Variants in PRSS41 observed in about 807,000 individuals in gnomAD.
The protein encoded by PRSS41 is protease, serine 41.
Under a neutral mutation model 28.8 loss-of-function variants are expected in PRSS41, and 37 were observed. The ratio of observed to expected loss-of-function variants is 1.29; its 90% CI spans 0.99 to 1.69. The LOEUF (loss-of-function observed/expected upper bound fraction) is 1.69, where lower values mean the gene tolerates loss of function less well. Among genes scored for constraint, PRSS41 ranks in the 40% most tolerant of loss-of-function variants. The pLI is 0.00. For missense variants in PRSS41, 431 were observed against 400.7 expected (o/e 1.08, Z -0.65); for synonymous variants, 195 against 163.1 (o/e 1.20, Z -1.49).
intron 4 of PRSS41, among the ~76,000 whole-genome samples, chr16:2,802,869 G>GAGAAGT (rs2068999248): frequency 6.7e-6 from 1 of 148,986 alleles, no homozygotes; most frequent in African/African-American, 2.5e-5. Context: ...TGGGGAGAGG[G>GAGAAGT]AGAGGGAGAG....
intron 4 of PRSS41, among the ~76,000 whole-genome samples, chr16:2,802,007 C>T (rs2068990401): frequency 6.8e-6 from 1 of 147,226 alleles, no homozygotes; most frequent in African/African-American, 2.5e-5. Flanking sequence ...GGGCGGCTGG[C>T]CGGGCGTGGG....
chr16:2,804,278 G>A, intron 4 of PRSS41, 111 bp from the exon 5 acceptor site: 1 of 1,126,156 alleles, frequency 8.9e-7, no homozygotes, highest in Non-Finnish European at 1.3e-6. Flanking sequence ...GGTGTTGTGG[G>A]TGTGTCAGGG....
chr16:2,799,554 A>T (rs766532827), exon 4 of PRSS41: 494 of 1,551,472 alleles, frequency 3.2e-4, no homozygotes, highest in Non-Finnish European at 4.2e-4. Context: ...CTGGGGGTTA[A>T]TCAGCCCCAG....
At position 2,799,143 on chromosome 16, in the gene PRSS41, CG is replaced by C; in HGVS notation, c.257+23del. On this transcript the variant is annotated intron_variant, in intron 3 of 5. Coordinates refer to ENST00000399677, the Ensembl canonical transcript of PRSS41. ...TCCAAAAGTGAGTCTGGGGGGCGGC[CG>C]GGGCCTCAGACTTGCTAATGGCCTC... The C allele has an allele frequency of 1.3e-6, 2 of 1,507,544 alleles. No individual in the cohort carries two copies. The allele number at this position is 1,507,544 out of a possible 1,614,324, so 93.4% of individuals were successfully genotyped here.
chr16:2,803,103 T>C (rs993023031), intron 4 of PRSS41, among the ~76,000 whole-genome samples: 9 of 152,222 alleles, frequency 5.9e-5, no homozygotes, highest in African/African-American at 2.2e-4. Context: ...ATTTTATCAG[T>C]CTCTGCTTTT....
chr16:2,801,891 G>C (rs1271693984), intron 4 of PRSS41, among the ~76,000 whole-genome samples: 3 of 149,302 alleles, frequency 2.0e-5, no homozygotes, highest in African/African-American at 2.5e-5. Flanking sequence ...CGGGCAGAGG[G>C]GCTCCTCACT....
chr16:2,800,429 T>A (rs142068863), intron 4 of PRSS41, among the ~76,000 whole-genome samples: 1,577 of 150,130 alleles, frequency 0.011, 30 homozygotes, highest in African/African-American at 0.037. Context: ...TAATCTCAGC[T>A]CCTTGGGAGG....
chr16:2,800,063 G>T (rs891442285), intron 4 of PRSS41, among the ~76,000 whole-genome samples: 1 of 152,224 alleles, frequency 6.6e-6, no homozygotes, highest in African/African-American at 2.4e-5. Flanking sequence ...ATGGAGTGTA[G>T]TTACACAAAC....
At chr16:2,798,813 G>A in intron 2 of PRSS41, 146 bp from the exon 3 acceptor site, 1 of 1,180,200 alleles carries the variant, frequency 8.5e-7, no homozygotes, top group Non-Finnish European at 1.1e-6. Flanking sequence ...TGCCCACCAC[G>A]TGGGAGGGTC....
intron 4 of PRSS41, among the ~76,000 whole-genome samples, 187 bp from the exon 5 acceptor site, chr16:2,804,202 G>T (rs1308259062): frequency 6.6e-6 from 1 of 152,140 alleles, no homozygotes; most frequent in Non-Finnish European, 1.5e-5. Flanking sequence ...CCATCTATTG[G>T]GTTATTCTGT....
chr16:2,804,601 A>C, intron 5 of PRSS41, 55 bp downstream of exon 5: 8 of 1,512,190 alleles, frequency 5.3e-6, no homozygotes, highest in Non-Finnish European at 7.2e-6. Context: ...TACACCTGAG[A>C]GCAGCTACCA....
At position 2,802,214 on chromosome 16, in the gene PRSS41, C is replaced by T. The variant is rs1282877737; in HGVS notation, c.542-2175C>T. Among the ~76,000 whole-genome samples, 198 of 151,026 alleles carry T rather than the reference C, an allele frequency of 1.3e-3. 2 individuals are homozygous for T. Among genetic ancestry groups the T allele is most frequent in the African/African-American group, 4.7e-3 (191 of 40,946 alleles). Reference sequence around the variant, plus strand: ...CTCACCTCCCAGACAGGGTCGCGGCCGGGCAGAGGCGCTCCTCACATCCCA... The same window carrying T: ...CTCACCTCCCAGACAGGGTCGCGGCTGGGCAGAGGCGCTCCTCACATCCCA... On this transcript the variant is annotated intron_variant, in intron 4 of 5. Transcript: ENST00000399677.
chr16:2,799,246 C>T (rs769756445), intron 3 of PRSS41, 40 bp from the exon 4 acceptor site: 118 of 1,545,090 alleles, frequency 7.6e-5, no homozygotes, highest in Admixed American at 2.0e-5. Flanking sequence ...CGGCCAGCCC[C>T]CTATTCCAAG....
rs1015427994 is a variant in PRSS41 at position 2,798,704 on chromosome 16, G to C, written c.91+42G>C. 1.3e-4 allele frequency: 180 copies of C among 1,423,394 alleles called. No homozygotes were observed. The African/African-American group carries it at 2.5e-3, about 20-fold the overall frequency. The allele number at this position is 1,423,394 out of a possible 1,614,324, so 88.2% of individuals were successfully genotyped here. On this transcript the variant is annotated intron_variant, in intron 2 of 5. Coordinates refer to ENST00000399677, the Ensembl canonical transcript of PRSS41. ...GCGCGATGCCAGCCAGGGCGGCTGG[G>C]CCGGGGTGCACGGGGGCCCATCTAC...
chr16:2,804,523 G>T, exon 5 of PRSS41: 2 of 1,551,088 alleles, frequency 1.3e-6, no homozygotes, highest in African/African-American at 1.4e-5. Flanking sequence ...TGGTGCTGAG[G>T]ATGGCAGTGT....
intron 3 of PRSS41, 56 bp from the exon 4 acceptor site, chr16:2,799,230 C>T (rs909609388): frequency 1.1e-4 from 162 of 1,533,592 alleles, no homozygotes; most frequent in Non-Finnish European, 1.3e-4. Flanking sequence ...CTCCAGCGTG[C>T]TCAGGCGGCC....
At chr16:2,801,127 C>T (rs1044052592) in intron 4 of PRSS41, among the ~76,000 whole-genome samples, 8 of 152,154 alleles carry the variant, frequency 5.3e-5, no homozygotes, top group East Asian at 3.9e-4. Context: ...GTGTGAGCCA[C>T]GGTGCCCAGC....
At chr16:2,800,143 T>G (rs1282994184) in intron 4 of PRSS41, among the ~76,000 whole-genome samples, 1 of 152,218 alleles carries the variant, frequency 6.6e-6, no homozygotes, top group Non-Finnish European at 1.5e-5. Flanking sequence ...CACAAACCTG[T>G]GCAGCTTGTT....
At chr16:2,800,590 A>C (rs1052569822) in intron 4 of PRSS41, among the ~76,000 whole-genome samples, 4 of 151,292 alleles carry the variant, frequency 2.6e-5, no homozygotes, top group African/African-American at 9.7e-5. Context: ...CCTGTGCCCT[A>C]GGCACTTACC....
Sources: allele counts gnomAD v4.1 joint callset (sites outside exome capture counted in the v4.1 genomes callset), GRCh38; gene constraint gnomAD v4.1.1; transcripts MANE v1.5; gene names NCBI Gene and HGNC (gene_info 2026-07-23, HGNC 2026-07-21).